The following ERC2 variants were observed in gnomAD, a reference collection of about 807,000 sequenced individuals.
ERC2 encodes ELKS/RAB6-interacting/CAST family member 2.
A neutral mutation model predicts 114.8 loss-of-function variants in ERC2; 42 were observed. The observed-to-expected ratio is 0.37, with a 90% CI of 0.29 to 0.47. The LOEUF (loss-of-function observed/expected upper bound fraction) is 0.47. ERC2 is among the 20% of genes least tolerant of loss of function. The probability of loss-of-function intolerance (pLI) is 0.99; values close to 1 mark genes in which losing one functional copy is unlikely to be tolerated. For synonymous variants in ERC2, 454 were observed against 425.5 expected, an observed-to-expected ratio of 1.07 and a Z score of -0.82; for missense variants, 939 against 1,150.7, an observed-to-expected ratio of 0.82 and a Z score of 2.66.
At chr3:56,399,809 C>A (rs1438320352) in intron 2 of ERC2, among the ~76,000 whole-genome samples, 1 of 151,940 alleles carries the variant, frequency 6.6e-6, no homozygotes, top group Admixed American at 6.6e-5. Flanking sequence ...CTAGATTCAA[C>A]CAGAAATTTC....
At chr3:56,440,664 C>T (rs1391601536) in intron 1 of ERC2, among the ~76,000 whole-genome samples, 1 of 152,032 alleles carries the variant, frequency 6.6e-6, no homozygotes, top group Non-Finnish European at 1.5e-5. Context: ...CAAAACTAGC[C>T]AGTATGTATT....
intron 14 of ERC2, among the ~76,000 whole-genome samples, chr3:55,880,333 T>C (rs575196291): frequency 1.4e-4 from 22 of 152,354 alleles, no homozygotes; most frequent in Admixed American, 1.2e-3. Context: ...TCTAAAGTTA[T>C]TTTCTTTATA....
intron 17 of ERC2, among the ~76,000 whole-genome samples, chr3:55,651,834 G>A (rs1273942607): frequency 6.6e-6 from 1 of 152,190 alleles, no homozygotes; most frequent in Admixed American, 6.5e-5. Flanking sequence ...TACCAAATGA[G>A]GGGATTTTTA....
At chr3:55,870,922 T>G (rs2062555620) in intron 14 of ERC2, among the ~76,000 whole-genome samples, 1 of 152,186 alleles carries the variant, frequency 6.6e-6, no homozygotes, top group South Asian at 2.1e-4. Context: ...CTAGCTTCCA[T>G]TGCAGCCAGG....
At chr3:55,630,568 T>C (rs2148625321) in intron 17 of ERC2, among the ~76,000 whole-genome samples, 1 of 152,324 alleles carries the variant, frequency 6.6e-6, no homozygotes, top group East Asian at 1.9e-4. Flanking sequence ...TTGCAGATTA[T>C]ACTGGTACTT....
rs1420055034 is a variant in ERC2 at position 56,210,032 on chromosome 3, CA to C, written c.1075-36513del. ...CTTTTATGATTAGCAGACATTTTCC[CA>C]ATATCATCAGTGGGAGATATGTAAA... On this transcript the variant is annotated intron_variant, in intron 3 of 17. Transcript: ENST00000288221. 3.9e-5 allele frequency among the ~76,000 whole-genome samples: 6 copies of C among 152,138 alleles called. No homozygotes were observed. In the East Asian group the frequency reaches 1.2e-3, roughly 29 times the overall value.
At chr3:55,659,296 C>G (rs1333713984) in intron 17 of ERC2, 1 of 152,222 alleles carries the variant, frequency 6.6e-6, no homozygotes, top group East Asian at 1.9e-4. Context: ...CCCGTGTTGC[C>G]TCTGCTGACT....
intron 2 of ERC2, among the ~76,000 whole-genome samples, chr3:56,362,488 A>G (rs950728114): frequency 6.6e-6 from 1 of 152,160 alleles, no homozygotes; most frequent in African/African-American, 2.4e-5. Context: ...ATTCAAACCC[A>G]TGTTGGGGAA....
chr3:55,946,945 G>C (rs999965668), intron 13 of ERC2, among the ~76,000 whole-genome samples: 1 of 152,162 alleles, frequency 6.6e-6, no homozygotes, highest in Non-Finnish European at 1.5e-5. Flanking sequence ...GCTAACTAGG[G>C]TGTATTCTTA....
At chr3:55,862,347 G>C (rs563482892) in intron 14 of ERC2, among the ~76,000 whole-genome samples, 7 of 152,242 alleles carry the variant, frequency 4.6e-5, no homozygotes, top group African/African-American at 1.7e-4. Flanking sequence ...TCCTTGGAAG[G>C]GGGTGTCCCT....
At chr3:56,341,789 T>C (rs891521696) in intron 2 of ERC2, among the ~76,000 whole-genome samples, 1 of 152,136 alleles carries the variant, frequency 6.6e-6, no homozygotes, top group Non-Finnish European at 1.5e-5. Flanking sequence ...TTCTAATTAT[T>C]GGTGATCCCT....
intron 17 of ERC2, among the ~76,000 whole-genome samples, chr3:55,672,424 G>A (rs1465922858): frequency 1.3e-5 from 2 of 152,158 alleles, no homozygotes; most frequent in African/African-American, 4.8e-5. Flanking sequence ...ATAGTGGAAG[G>A]AGTAGCTGGC....
intron 12 of ERC2, among the ~76,000 whole-genome samples, chr3:55,955,405 C>T (rs2067885127): frequency 6.6e-6 from 1 of 152,162 alleles, no homozygotes; most frequent in African/African-American, 2.4e-5. Context: ...GCCCTTCCCT[C>T]TTCCCAGAAG....
chr3:55,953,848 G>A (rs1177903768), intron 12 of ERC2, among the ~76,000 whole-genome samples: 1 of 151,956 alleles, frequency 6.6e-6, no homozygotes. Flanking sequence ...ATCTATAAGT[G>A]ACCTATCAGT....
intron 17 of ERC2, among the ~76,000 whole-genome samples, chr3:55,571,404 G>A (rs1050361804): frequency 6.6e-6 from 1 of 152,038 alleles, no homozygotes; most frequent in South Asian, 2.1e-4. Context: ...CCAAAGCCCC[G>A]ACCCCAACCA....
chr3:56,089,135 T>C (rs1222006923), intron 6 of ERC2, among the ~76,000 whole-genome samples: 8 of 152,184 alleles, frequency 5.3e-5, no homozygotes, highest in African/African-American at 9.7e-5. Flanking sequence ...ATTACCCAAC[T>C]GGGAATAAGT....
chr3:56,351,917 C>T (rs190801337), intron 2 of ERC2, among the ~76,000 whole-genome samples: 101 of 152,242 alleles, frequency 6.6e-4, no homozygotes, highest in Admixed American at 2.6e-3. Flanking sequence ...GAATAGTCCT[C>T]ATAATGGGGA....
chr3:55,912,941 C>G (rs1395280809), intron 13 of ERC2, among the ~76,000 whole-genome samples: 1 of 152,154 alleles, frequency 6.6e-6, no homozygotes, highest in African/African-American at 2.4e-5. Flanking sequence ...CTTCTTTTAA[C>G]AAGTCAATCA....
intron 14 of ERC2, among the ~76,000 whole-genome samples, chr3:55,751,674 G>T (rs1016973059): frequency 2.0e-5 from 3 of 152,192 alleles, no homozygotes; most frequent in African/African-American, 7.2e-5. Context: ...AAAGTCACAA[G>T]TAGGTAAGGC....
Sources: gnomAD v4.1 joint callset for allele counts (sites outside exome capture counted in the v4.1 genomes callset) on GRCh38, gnomAD v4.1.1 for gene constraint, MANE v1.5 for transcripts, NCBI Gene and HGNC (gene_info 2026-07-23, HGNC 2026-07-21) for gene names.